ATG2B: variants seen among roughly 807,000 people sequenced by gnomAD.
ATG2B encodes autophagy related 2B.
In ATG2B, 121 loss-of-function variants were observed where a neutral mutation model predicts 241.3. The ratio of observed to expected loss-of-function variants is 0.50; its 90% confidence interval spans 0.43 to 0.58. The LOEUF (loss-of-function observed/expected upper bound fraction) is 0.58. ATG2B is among the 20% of genes least tolerant of loss of function. ATG2B has a pLI of 0.00. For missense variants in ATG2B, 2,306 were observed against 2,491.6 expected, an observed-to-expected ratio of 0.93 and a Z score of 1.59; for synonymous variants, 858 against 876.6, an observed-to-expected ratio of 0.98 and a Z score of 0.37.
At chr14:96,351,530 G>A (rs1888320445) in intron 1 of ATG2B, among the ~76,000 whole-genome samples, 1 of 152,116 alleles carries the variant, frequency 6.6e-6, no homozygotes, top group Non-Finnish European at 1.5e-5. Context: ...GAGGTCAGGA[G>A]TTTGAGACCA....
intron 14 of ATG2B, 69 bp downstream of exon 14, chr14:96,328,278 G>A: frequency 9.1e-7 from 1 of 1,099,552 alleles, no homozygotes; most frequent in Non-Finnish European, 1.3e-6. Flanking sequence ...CTTAAGTTCA[G>A]AAATTATCTC....
chr14:96,354,622 C>T (rs1266670989), intron 1 of ATG2B, among the ~76,000 whole-genome samples: 1 of 152,146 alleles, frequency 6.6e-6, no homozygotes, highest in Non-Finnish European at 1.5e-5. Context: ...ATTTATATTC[C>T]TTTGGGTATA....
intron 28 of ATG2B, 54 bp from the exon 29 acceptor site, chr14:96,309,648 CT>C (rs1887095841): frequency 3.3e-6 from 5 of 1,506,780 alleles, no homozygotes; most frequent in Non-Finnish European, 4.5e-6. Context: ...AAAAACCAAA[CT>C]ACTTACATTT....
chr14:96,325,501 C>T (rs1887565377), intron 15 of ATG2B, 148 bp downstream of exon 15: 2 of 729,670 alleles, frequency 2.7e-6, no homozygotes, highest in South Asian at 2.0e-5. Flanking sequence ...GCATACAATA[C>T]TAGAAAGACA....
At position 96,362,919 on chromosome 14, in the gene ATG2B, T is replaced by G. The variant is rs1247864065; in HGVS notation, c.58A>C (p.Arg20=). ...TCCTGCAGAAAGTGGCCCAGGTACCTCTGCAGGAGGTACCGGCAGGCCCTC... is the reference window on the plus strand; with the variant it reads ...TCCTGCAGAAAGTGGCCCAGGTACCGCTGCAGGAGGTACCGGCAGGCCCTC... ...KKRACRYLLQ[R]YLGHFLQEKL... is the part of the protein sequence containing the mutation. The change falls in exon 1 of 42, where the codon AGG becomes CGG. Residue 20 remains arginine (R), a synonymous_variant. Transcript: ENST00000359933. The G allele has an allele frequency of 3.7e-6, 6 of 1,613,464 alleles. No individual in the cohort carries two copies. Among genetic ancestry groups the G allele is most frequent in the Non-Finnish European group, 4.2e-6 (5 of 1,179,894 alleles).
chr14:96,357,000 T>C lies in ATG2B; in HGVS notation c.162+5815A>G, dbSNP rs139426000. 4.4e-3 allele frequency among the ~76,000 whole-genome samples: 673 copies of C among 152,270 alleles called. 25 individuals carry two copies. In the South Asian group the frequency reaches 0.067, roughly 15 times the overall value. The stretch of plus-strand genomic sequence containing the variant: ...CTAAAACCCCTAACCTTGCTCCATG[T>C]TCCCCCTAGCCATCAACCCCATTTT... On this transcript the variant is annotated intron_variant, in intron 1 of 41. Transcript: ENST00000359933.
chr14:96,338,881 G>A (rs1887935204), intron 6 of ATG2B, among the ~76,000 whole-genome samples: 1 of 152,038 alleles, frequency 6.6e-6, no homozygotes. Flanking sequence ...TGTAAACTAT[G>A]CATCCAGCAA....
chr14:96,279,811 T>C lies in ATG2B; in HGVS notation c.*5944A>G, dbSNP rs2139825326. On this transcript the variant is annotated 3_prime_UTR_variant, in exon 42 of 42. Transcript: ENST00000359933. ...GTCATATTTGGCATATTTGGCCATG[T>C]CTGGAGACGTCTTTGGCTGTCACAA... The C allele has an allele frequency of 6.6e-6, 1 of 151,864 alleles. No individual in the cohort carries two copies. Among genetic ancestry groups the C allele is most frequent in the Non-Finnish European group, 1.5e-5 (1 of 68,018 alleles). The allele number at this position is 151,864 out of a possible 1,614,324, so 9.4% of individuals were successfully genotyped here. A position where few individuals can be genotyped will look rare whatever the true frequency, so the allele number is the denominator to read the frequency against.
intron 34 of ATG2B, among the ~76,000 whole-genome samples, chr14:96,299,849 C>T (rs376682112): frequency 2.6e-5 from 4 of 152,262 alleles, no homozygotes; most frequent in East Asian, 3.9e-4. Context: ...GGGATGTGCT[C>T]GGTTAGAAAA....
chr14:96,343,813 G>T (rs768315030), intron 4 of ATG2B, among the ~76,000 whole-genome samples: 3 of 152,150 alleles, frequency 2.0e-5, no homozygotes, highest in African/African-American at 2.4e-5. Context: ...TGAAATTTTA[G>T]ATTTTTTTAA....
chr14:96,333,229 C>A (rs1421636812), intron 8 of ATG2B, among the ~76,000 whole-genome samples: 5 of 151,984 alleles, frequency 3.3e-5, no homozygotes, highest in Non-Finnish European at 7.4e-5. Flanking sequence ...TGTGAAACAC[C>A]TATAAATGTA....
intron 1 of ATG2B, among the ~76,000 whole-genome samples, chr14:96,353,619 C>G (rs1268325814): frequency 6.8e-6 from 1 of 148,026 alleles, no homozygotes; most frequent in African/African-American, 2.5e-5. Flanking sequence ...CAGTGAGAAT[C>G]TGTCTCAAAA....
rs776209574 is a variant in ATG2B at position 96,315,539 on chromosome 14, T to G, written c.3406A>C (p.Ser1136Arg). The G allele has an allele frequency of 4.3e-6, 7 of 1,613,980 alleles. No individual in the cohort carries two copies. The African/African-American group carries it at 8.0e-5, about 18-fold the overall frequency. The change falls in exon 22 of 42, where the codon AGC becomes CGC. Residue 1136 changes from serine (S) to arginine (R), a missense_variant. Physicochemically the swap from Ser to Arg is moderately radical, Grantham distance 110. Coordinates refer to ENST00000359933, the MANE Select transcript of ATG2B (RefSeq NM_018036.7). ...VILPTETRLPSSTRPHWLEPT... is the reference protein window; with the variant it reads ...VILPTETRLPRSTRPHWLEPT... ...TCCAACCAGTGTGGGCGGGTTGAGC[T>G]GGGAAGTCGTGTTTCTGTCGGGAGA... is the stretch of plus-strand genomic sequence containing the variant.
In ATG2B at chr14:96,340,110, GAT is replaced by G. The variant is rs1253346584; in HGVS notation, c.924+1410_924+1411del. On this transcript the variant is annotated intron_variant, in intron 6 of 41. Transcript: ENST00000359933. ...TGAATATATGCTATATAGAATATAT[GAT>G]ATATATGAATATATATATCATATAT... Among the ~76,000 whole-genome samples the G allele has an allele frequency of 1.1e-3, 25 of 22,232 alleles. 1 individual carries two copies. Among genetic ancestry groups the G allele is most frequent in the African/African-American group, 2.2e-3 (6 of 2,784 alleles). 14.6% of individuals were successfully genotyped at this position (22,232 alleles called of 152,430 possible).
intron 1 of ATG2B, among the ~76,000 whole-genome samples, chr14:96,350,438 T>G (rs1297171922): frequency 6.6e-6 from 1 of 152,062 alleles, no homozygotes; most frequent in African/African-American, 2.4e-5. Flanking sequence ...TAACAAGAAG[T>G]CAAAGATTTT....
At chr14:96,329,686 T>C (rs763179657) in intron 11 of ATG2B, 52 bp from the exon 12 acceptor site, 13 of 1,236,886 alleles carry the variant, frequency 1.1e-5, no homozygotes, top group Non-Finnish European at 1.4e-5. Context: ...ATGTAACAAT[T>C]ATCCACCTAG....
At position 96,285,603 on chromosome 14, in the gene ATG2B, A is replaced by T; in HGVS notation, c.*152T>A. The T allele has an allele frequency of 1.4e-6, 1 of 693,270 alleles. No homozygotes were observed. The highest frequency in any genetic ancestry group is 2.9e-5 in the Admixed American group (1 of 34,350). 42.9% of individuals were successfully genotyped at this position (693,270 alleles called of 1,614,324 possible). A position where few individuals can be genotyped will look rare whatever the true frequency, so the allele number is the denominator to read the frequency against. On this transcript the variant is annotated 3_prime_UTR_variant, in exon 42 of 42. Coordinates refer to ENST00000359933, the MANE Select transcript of ATG2B (RefSeq NM_018036.7). The surrounding 1 kb of genome is among the most constrained non-coding windows in gnomAD (Gnocchi z 4.2). Reference sequence around the variant, plus strand: ...ATAAATGTCAGAAGTTTTTGGTTGCATGTTGTTTTGATGTTAAATTATTTA... The same window carrying T: ...ATAAATGTCAGAAGTTTTTGGTTGCTTGTTGTTTTGATGTTAAATTATTTA...
Position 96,315,294 on chromosome 14 carries a change from T to C in ATG2B, c.3562-60A>G. On this transcript the variant is annotated intron_variant, in intron 22 of 41. Transcript: ENST00000359933. ...CCTATGTAATCCTATAACTCAAAAG[T>C]TTTTCCAAGAAAATAAATATGTTGC... The C allele has an allele frequency of 6.3e-6, 10 of 1,585,692 alleles. No homozygotes were observed. In the South Asian group the frequency reaches 8.9e-5, roughly 14 times the overall value.
chr14:96,332,242 C>A, intron 10 of ATG2B, 63 bp downstream of exon 10: 4 of 1,278,906 alleles, frequency 3.1e-6, no homozygotes, highest in South Asian at 1.3e-5. Flanking sequence ...AGAAAAGCAC[C>A]AGTAGAATGG....
Sources: gnomAD v4.1 joint callset for allele counts (sites outside exome capture counted in the v4.1 genomes callset) on GRCh38, gnomAD v4.1.1 for gene constraint, Gnocchi (gnomAD v3.1) non-coding constraint, MANE v1.5 for transcripts, NCBI Gene and HGNC (gene_info 2026-07-23, HGNC 2026-07-21) for gene names.